METTL26: variants seen among roughly 807,000 people sequenced by gnomAD.
METTL26 encodes methyltransferase like 26.
A neutral mutation model predicts 24.7 loss-of-function variants in METTL26; 28 were observed. The ratio of observed to expected loss-of-function variants is 1.13; its 90% confidence interval spans 0.84 to 1.55. The LOEUF is 1.55. METTL26 is among the 40% of genes most tolerant of loss of function. METTL26 has a pLI of 0.00. For missense variants in METTL26, 344 were observed against 281.2 expected, an observed-to-expected ratio of 1.22 and a Z score of -1.60; for synonymous variants, 165 against 125.2, an observed-to-expected ratio of 1.32 and a Z score of -2.12.
At chr16:635,968 C>G in intron 1 of METTL26, 126 bp downstream of exon 1, 1 of 1,355,694 alleles carries the variant, frequency 7.4e-7, no homozygotes, top group Non-Finnish European at 9.7e-7. Context: ...CCCGGGGGCA[C>G]CCCCAGGCTC....
chr16:634,532 AG>A lies in METTL26; in HGVS notation c.*64del. On this transcript the variant is annotated 3_prime_UTR_variant, in exon 6 of 6. Transcript: ENST00000301686. ...GTCGTCCACAAGGTCCGGCCTAGGG[AG>A]GCAGGGTTCGTGCCTCACAGAGCCT... 6.2e-6 allele frequency: 10 copies of A among 1,612,768 alleles called. No individual in the cohort carries two copies. Among genetic ancestry groups the A allele is most frequent in the Non-Finnish European group, 6.8e-6 (8 of 1,179,814 alleles).
chr16:635,798 G>A, intron 1 of METTL26, 24 bp from the exon 2 acceptor site: 1 of 1,542,256 alleles, frequency 6.5e-7, no homozygotes, highest in Non-Finnish European at 8.8e-7. Context: ...ACGCTTGGGT[G>A]GGGGCCGAGT....
Position 635,734 on chromosome 16 carries a change from T to C in METTL26, c.238A>G (p.Lys80Glu). The C allele has an allele frequency of 6.3e-7, 1 of 1,578,018 alleles. No homozygotes were observed. The highest frequency in any genetic ancestry group is 8.6e-7 in the Non-Finnish European group (1 of 1,163,188). Residue 80 changes from lysine (K) to glutamate (E), a missense_variant, in exon 2 of 6, where the codon AAG becomes GAG. By Grantham distance (56) the Lys-to-Glu change is moderately conservative. Coordinates refer to ENST00000301686, the MANE Select transcript of METTL26 (RefSeq NM_032366.5). ...GTCACGTCCAGGTGTAGCGGGGCCT[T>C]CACGTTGGTCAGGCCCTGGGCTTGC... ...TTQAQGLTNV[K>E]APLHLDVTWG...
intron 1 of METTL26, 41 bp from the exon 2 acceptor site, chr16:635,815 C>G (rs1249133699): frequency 1.3e-6 from 2 of 1,507,118 alleles, no homozygotes; most frequent in Admixed American, 4.1e-5. Context: ...GAGTCCTGTG[C>G]ACCCGCCTTT....
In METTL26 at chr16:634,528, A is replaced by G; in HGVS notation, c.*69T>C. On this transcript the variant is annotated 3_prime_UTR_variant, in exon 6 of 6. Transcript: ENST00000301686. ...GGCTGTCGTCCACAAGGTCCGGCCT[A>G]GGGAGGCAGGGTTCGTGCCTCACAG... 10 of 1,612,504 alleles carry G rather than the reference A, an allele frequency of 6.2e-6. No homozygotes were observed. Among genetic ancestry groups the G allele is most frequent in the Non-Finnish European group, 8.5e-6 (10 of 1,179,584 alleles).
At chr16:635,804 C>T in intron 1 of METTL26, 30 bp from the exon 2 acceptor site, 1 of 1,531,568 alleles carries the variant, frequency 6.5e-7, no homozygotes, top group Non-Finnish European at 8.8e-7. Context: ...GGGTGGGGGC[C>T]GAGTCCTGTG....
At chr16:635,030 G>C in intron 3 of METTL26, 74 bp from the exon 4 acceptor site, 4 of 1,538,256 alleles carry the variant, frequency 2.6e-6, no homozygotes, top group Middle Eastern at 1.7e-4. Flanking sequence ...AGACTTGCAG[G>C]CTGGGGTTTG....
intron 5 of METTL26, 36 bp from the exon 6 acceptor site, chr16:634,680 C>A: frequency 6.2e-7 from 1 of 1,613,000 alleles, no homozygotes. Context: ...GGCCCTCAAC[C>A]CCTAGAGAGG....
intron 3 of METTL26, 159 bp from the exon 4 acceptor site, chr16:635,115 G>A: frequency 1.3e-6 from 2 of 1,495,138 alleles, no homozygotes; most frequent in South Asian, 1.3e-5. Context: ...AAGGGGGTAG[G>A]GAGGCTGGCA....
In METTL26 at chr16:634,702, C is replaced by T. The variant is rs750818105; in HGVS notation, c.567+17G>A. 6.2e-7 allele frequency: 1 copy of T among 1,612,920 alleles called. No homozygotes were observed. Among genetic ancestry groups the T allele is most frequent in the Admixed American group, 1.7e-5 (1 of 60,022 alleles). The stretch of plus-strand genomic sequence containing the variant: ...AACCCCTAGAGAGGTTGCCTGGGCC[C>T]CCGCTCCCCCACCTACCATCCTCTC... On this transcript the variant is annotated intron_variant, in intron 5 of 5. Transcript: ENST00000301686.
At chr16:635,905 C>A in intron 1 of METTL26, 131 bp from the exon 2 acceptor site, 1 of 1,357,894 alleles carries the variant, frequency 7.4e-7, no homozygotes, top group Non-Finnish European at 9.8e-7. Flanking sequence ...GGAAGGGGGA[C>A]CCCGAGGTCC....
Position 634,884 on chromosome 16 carries a change from C to T in METTL26, c.488+5G>A. ...TGAGCCAGACCCCCCGCCTCTAGCT[C>T]TGACCTGCATCTGAGCATCAGGTCA... On this transcript the variant is annotated splice_donor_5th_base_variant and intron_variant, in intron 4 of 5. Coordinates refer to ENST00000301686, the MANE Select transcript of METTL26 (RefSeq NM_032366.5). 1.3e-6 allele frequency: 2 copies of T among 1,597,472 alleles called. No homozygotes were observed. The highest frequency in any genetic ancestry group is 1.7e-6 in the Non-Finnish European group (2 of 1,172,370).
chr16:635,243 C>A, intron 3 of METTL26, 38 bp downstream of exon 3: 1 of 1,541,964 alleles, frequency 6.5e-7, no homozygotes, highest in Non-Finnish European at 8.8e-7. Flanking sequence ...GCAGCTAGGA[C>A]TGGGAGCGGG....
Position 636,259 on chromosome 16 carries a change from T to A in METTL26, c.32A>T (p.Lys11Met). 1 of 1,466,494 alleles carries A rather than the reference T, an allele frequency of 6.8e-7. No homozygotes were observed. The highest frequency in any genetic ancestry group is 3.0e-5 in the East Asian group (1 of 33,514). 90.8% of individuals were successfully genotyped at this position (1,466,494 alleles called of 1,614,324 possible). The change falls in exon 1 of 6, where the codon AAG becomes ATG. Residue 11 changes from lysine (K) to methionine (M), a missense_variant. Coordinates refer to ENST00000301686, the MANE Select transcript of METTL26 (RefSeq NM_032366.5). MLVAAAAERN[K>M]DPILHVLRQY... ...CCGCAGCACGTGCAAGATGGGATCC[T>A]TGTTCCGCTCCGCGGCCGCCGCCAC... is the stretch of plus-strand genomic sequence containing the variant.
Position 635,669 on chromosome 16 carries a change from C to T in METTL26, c.303G>A (p.Ser101=), listed in dbSNP as rs1362876228. Residue 101 remains serine (S), a synonymous_variant, in exon 2 of 6, where the codon TCG becomes TCA. Coordinates refer to ENST00000301686, the MANE Select transcript of METTL26 (RefSeq NM_032366.5). ...TGTTGATGCAGAGCAACAGGTCCAG[C>T]GACTGTGGCAGGATCCCGCCCCAGT... The part of the protein sequence containing the change: ...WEHWGGILPQ[S]LDLLLCINMA... 1.9e-6 allele frequency: 3 copies of T among 1,554,486 alleles called. No homozygotes were observed. Among genetic ancestry groups the T allele is most frequent in the South Asian group, 1.2e-5 (1 of 84,318 alleles).
Position 634,777 on chromosome 16 carries a change from C to T in METTL26, c.509G>A (p.Arg170Gln), listed in dbSNP as rs147359915. ...LRCRNPEWGLRDTALLEDLGK... is the reference protein window; with the variant it reads ...LRCRNPEWGLQDTALLEDLGK... ...CAGGTCCTCCAGGAGGGCTGTGTCC[C>T]GAAGCCCCCATTCTGGGTTCCTGCA... Residue 170 changes from arginine (R) to glutamine (Q), a missense_variant, in exon 5 of 6, where the codon CGG becomes CAG. Transcript: ENST00000301686. 1.0e-4 allele frequency: 161 copies of T among 1,611,490 alleles called. No homozygotes were observed. The highest frequency in any genetic ancestry group is 4.5e-4 in the Admixed American group (27 of 59,888).
rs984068430 is a variant in METTL26 at position 636,002 on chromosome 16, A to G, written c.197+92T>C. 6 of 1,431,166 alleles carry G rather than the reference A, an allele frequency of 4.2e-6. No homozygotes were observed. The African/African-American group carries it at 8.7e-5, about 21-fold the overall frequency. The allele number at this position is 1,431,166 out of a possible 1,614,324, so 88.7% of individuals were successfully genotyped here. A position where few individuals can be genotyped will look rare whatever the true frequency, so the allele number is the denominator to read the frequency against. On this transcript the variant is annotated intron_variant, in intron 1 of 5. Coordinates refer to ENST00000301686, the MANE Select transcript of METTL26 (RefSeq NM_032366.5). ...TCCCACCCCGCACCCTCAGAGCCCG[A>G]GCCGCATCCTTTTCCTCCGGGGCTG...
intron 4 of METTL26, 34 bp downstream of exon 4, chr16:634,855 C>T (rs2151089009): frequency 6.4e-7 from 1 of 1,571,902 alleles, no homozygotes; most frequent in Non-Finnish European, 8.6e-7. Context: ...AGCCACCTGC[C>T]ACCTGAGCCA....
Position 635,303 on chromosome 16 carries a change from C to T in METTL26, c.398G>A (p.Arg133Lys), listed in dbSNP as rs201138760. The T allele has an allele frequency of 4.3e-4, 683 of 1,598,054 alleles. No homozygotes were observed. Among genetic ancestry groups the T allele is most frequent in the Non-Finnish European group, 5.5e-4 (649 of 1,172,522 alleles). Residue 133 changes from arginine (R) to lysine (K), a missense_variant, in exon 3 of 6, where the codon AGG becomes AAG. Coordinates refer to ENST00000301686, the MANE Select transcript of METTL26 (RefSeq NM_032366.5). ...CACCCCGTAGGTGATGAGCAGGGCC[C>T]TGGGTTTGAGCAGGTGTCCTGCTGC... ...FRAAGHLLKP[R>K]ALLITYGPYA...
Sources: allele counts gnomAD v4.1 joint callset, GRCh38; gene constraint gnomAD v4.1.1; transcripts MANE v1.5; gene names NCBI Gene and HGNC (gene_info 2026-07-23, HGNC 2026-07-21).